Variants in EPM2A observed in about 807,000 individuals in gnomAD.
EPM2A encodes EPM2A glucan phosphatase, laforin.
A neutral mutation model predicts 26.5 loss-of-function variants in EPM2A; 21 were observed. The observed-to-expected ratio is 0.79, with a 90% CI of 0.56 to 1.14. The LOEUF (loss-of-function observed/expected upper bound fraction) is 1.14. Among genes scored for constraint, EPM2A ranks in the 50% most tolerant of loss-of-function variants. The pLI, the probability that EPM2A is intolerant of heterozygous loss-of-function variation, is 0.00. For missense variants in EPM2A, 458 were observed against 440.8 expected (o/e 1.04, Z -0.35); for synonymous variants, 217 against 177.6 (o/e 1.22, Z -1.76).
intron 2 of EPM2A, among the ~76,000 whole-genome samples, chr6:145,586,170 A>G (rs1781193505): frequency 6.6e-6 from 1 of 152,224 alleles, no homozygotes; most frequent in Non-Finnish European, 1.5e-5. Context: ...AAACTGCAGT[A>G]GTCAATGGGC....
chr6:145,470,972 GT>G (rs1448730906), intron 4 of EPM2A, among the ~76,000 whole-genome samples: 1 of 152,136 alleles, frequency 6.6e-6, no homozygotes, highest in African/African-American at 2.4e-5. Flanking sequence ...TTGACTCCAA[GT>G]TTTGGGTAGG....
chr6:145,725,651 CA>C (rs2128641695), intron 1 of EPM2A, among the ~76,000 whole-genome samples: 1 of 152,060 alleles, frequency 6.6e-6, no homozygotes, highest in East Asian at 1.9e-4. Context: ...TGTTAAGTGA[CA>C]CAAGCCAGTC....
chr6:145,506,742 C>T (rs1779980595), intron 2 of EPM2A, among the ~76,000 whole-genome samples: 1 of 152,292 alleles, frequency 6.6e-6, no homozygotes, highest in African/African-American at 2.4e-5. Flanking sequence ...GCCTAGAGGG[C>T]GTGGCCCAGT....
At chr6:145,697,238 C>T (rs1004826514) in intron 1 of EPM2A, among the ~76,000 whole-genome samples, 2 of 152,002 alleles carry the variant, frequency 1.3e-5, no homozygotes, top group Non-Finnish European at 2.9e-5. Flanking sequence ...CGGCAGGTTC[C>T]GTGATGCCCC....
intron 1 of EPM2A, among the ~76,000 whole-genome samples, chr6:145,707,829 A>G (rs1782310921): frequency 6.6e-6 from 1 of 152,236 alleles, no homozygotes; most frequent in South Asian, 2.1e-4. Context: ...TGCTATAAAG[A>G]TACTTTAAAA....
intron 4 of EPM2A, among the ~76,000 whole-genome samples, chr6:145,476,259 A>T (rs949507325): frequency 6.6e-6 from 1 of 152,108 alleles, no homozygotes; most frequent in African/African-American, 2.4e-5. Context: ...TGCACCCAAC[A>T]TGGGAGCACC....
intron 4 of EPM2A, among the ~76,000 whole-genome samples, chr6:145,420,579 C>T (rs1023595953): frequency 6.6e-6 from 1 of 152,146 alleles, no homozygotes; most frequent in African/African-American, 2.4e-5. Flanking sequence ...TGACCGTGAA[C>T]ATCCACTTAG....
chr6:145,428,525 G>C (rs937359183), intron 4 of EPM2A, among the ~76,000 whole-genome samples: 1 of 152,232 alleles, frequency 6.6e-6, no homozygotes, highest in East Asian at 1.9e-4. Flanking sequence ...CCTCATTGTA[G>C]GAGAATCATC....
At chr6:145,538,700 G>A (rs1299149195) in intron 2 of EPM2A, among the ~76,000 whole-genome samples, 1 of 152,188 alleles carries the variant, frequency 6.6e-6, no homozygotes, top group African/African-American at 2.4e-5. Context: ...ATTCATCTGG[G>A]ATAAATAAAA....
Position 145,625,773 on chromosome 6 carries a change from C to T in EPM2A, c.*1643G>A, listed in dbSNP as rs575783301. The T allele has an allele frequency of 6.9e-6, 9 of 1,298,074 alleles. No individual in the cohort carries two copies. The African/African-American group carries it at 1.2e-4, about 17-fold the overall frequency. 80.4% of individuals were successfully genotyped at this position (1,298,074 alleles called of 1,614,324 possible). A position where few individuals can be genotyped will look rare whatever the true frequency, so the allele number is the denominator to read the frequency against. Reference sequence around the variant, plus strand: ...TCCCCTAAGTGCCACAGTTCTATCTCCCCGTCCTCTGAGCTCCACTGAAAC... The same window carrying T: ...TCCCCTAAGTGCCACAGTTCTATCTTCCCGTCCTCTGAGCTCCACTGAAAC... On this transcript the variant is annotated 3_prime_UTR_variant, in exon 4 of 4. Coordinates refer to ENST00000367519, the MANE Select transcript of EPM2A (RefSeq NM_005670.4).
At chr6:145,693,068 TTG>T (rs1781374080) in intron 1 of EPM2A, among the ~76,000 whole-genome samples, 1 of 152,064 alleles carries the variant, frequency 6.6e-6, no homozygotes, top group Non-Finnish European at 1.5e-5. Context: ...TTCTATGTGT[TTG>T]TGTCATCCCT....
chr6:145,686,002 A>G, intron 2 of EPM2A, 120 bp downstream of exon 2: 1 of 829,700 alleles, frequency 1.2e-6, no homozygotes, highest in Admixed American at 2.0e-5. Context: ...TCAAAGTACT[A>G]CAGGCCTATA....
intron 2 of EPM2A, among the ~76,000 whole-genome samples, chr6:145,664,264 A>G (rs1183380521): frequency 1.1e-5 from 1 of 87,464 alleles, no homozygotes; most frequent in Non-Finnish European, 2.3e-5. Flanking sequence ...TATTCAGGAA[A>G]CCCATCTCAC....
chr6:145,591,476 C>T (rs2128547926), intron 2 of EPM2A, among the ~76,000 whole-genome samples: 1 of 152,110 alleles, frequency 6.6e-6, no homozygotes, highest in African/African-American at 2.4e-5. Flanking sequence ...AATAACTTTA[C>T]CTATAGAAAA....
intron 4 of EPM2A, among the ~76,000 whole-genome samples, chr6:145,438,467 T>A (rs970323417): frequency 9.4e-6 from 1 of 106,680 alleles, no homozygotes; most frequent in Non-Finnish European, 1.9e-5. Flanking sequence ...GAGAAGGGAA[T>A]AATTTTTTTT....
chr6:145,580,879 A>G (rs111234538), intron 2 of EPM2A, among the ~76,000 whole-genome samples: 225 of 152,304 alleles, frequency 1.5e-3, no homozygotes, highest in African/African-American at 5.1e-3. Context: ...ATAATAGTCC[A>G]TCATGTATCT....
intron 4 of EPM2A, among the ~76,000 whole-genome samples, chr6:145,399,603 TAAC>T (rs926580307): frequency 2.4e-4 from 36 of 152,224 alleles, no homozygotes; most frequent in Non-Finnish European, 2.9e-4. Flanking sequence ...TATTGTGGAA[TAAC>T]AAAAGTCTCT....
intron 4 of EPM2A, among the ~76,000 whole-genome samples, chr6:145,465,831 C>T (rs1779384624): frequency 6.6e-6 from 1 of 151,968 alleles, no homozygotes; most frequent in African/African-American, 2.4e-5. Context: ...AGAAATAACG[C>T]CGCATATCTA....
chr6:145,643,855 T>A (rs1399692297), intron 2 of EPM2A, among the ~76,000 whole-genome samples: 5 of 147,590 alleles, frequency 3.4e-5, no homozygotes, highest in Admixed American at 6.7e-5. Context: ...AAAAAAAAAA[T>A]AGTTTTGGAT....
Sources: gnomAD v4.1 joint callset for allele counts (sites outside exome capture counted in the v4.1 genomes callset) on GRCh38, gnomAD v4.1.1 for gene constraint, MANE v1.5 for transcripts, NCBI Gene and HGNC (gene_info 2026-07-23, HGNC 2026-07-21) for gene names.